Variants in RBFOX1 observed in about 807,000 individuals in gnomAD.
The protein encoded by RBFOX1 is RNA binding fox-1 homolog 1.
RBFOX1 carries 8 observed loss-of-function variants against 57.7 expected under a neutral mutation model. The ratio of observed to expected loss-of-function variants is 0.14; its 90% CI spans 0.08 to 0.25. The LOEUF (loss-of-function observed/expected upper bound fraction) is 0.25, where lower values mean the gene tolerates loss of function less well. RBFOX1 is among the 10% of genes least tolerant of loss of function. The probability of loss-of-function intolerance (pLI) is 1.00; values close to 1 mark genes in which losing one functional copy is unlikely to be tolerated. For missense variants in RBFOX1, 611 were observed against 548.5 expected (o/e 1.11, Z -1.14); for synonymous variants, 326 against 222.4 (o/e 1.47, Z -4.15).
intron 2 of RBFOX1, among the ~76,000 whole-genome samples, chr16:5,577,674 G>T (rs756020627): frequency 6.6e-6 from 1 of 152,198 alleles, no homozygotes; most frequent in Non-Finnish European, 1.5e-5. Flanking sequence ...TGGCAAGGCA[G>T]TGACTGTGCT....
At chr16:7,484,394 T>C (rs1232485820) in intron 4 of RBFOX1, among the ~76,000 whole-genome samples, 1 of 152,196 alleles carries the variant, frequency 6.6e-6, no homozygotes, top group African/African-American at 2.4e-5. Context: ...TTTAACATTC[T>C]AGGATACCAT....
chr16:5,578,102 C>T (rs1192764165), intron 2 of RBFOX1, among the ~76,000 whole-genome samples: 1 of 152,172 alleles, frequency 6.6e-6, no homozygotes, highest in Non-Finnish European at 1.5e-5. Context: ...CAGGTGCGTG[C>T]CACCACACCC....
intron 3 of RBFOX1, among the ~76,000 whole-genome samples, chr16:6,984,399 C>G (rs1264173573): frequency 6.6e-6 from 1 of 152,098 alleles, no homozygotes; most frequent in South Asian, 2.1e-4. Context: ...ACTGAGCATC[C>G]TCACCAGCCT....
At chr16:6,399,716 G>A (rs1218150282) in intron 2 of RBFOX1, among the ~76,000 whole-genome samples, 1 of 151,992 alleles carries the variant, frequency 6.6e-6, no homozygotes, top group Non-Finnish European at 1.5e-5. Context: ...AACAGCTTAT[G>A]TATTAGTTCA....
At chr16:5,869,559 G>A (rs2057418940) in intron 4 of RBFOX1, among the ~76,000 whole-genome samples, 2 of 152,080 alleles carry the variant, frequency 1.3e-5, no homozygotes, top group Non-Finnish European at 2.9e-5. Context: ...GTGCCACCAT[G>A]CCTAGCTAGT....
chr16:5,780,863 C>G (rs1011440270), intron 3 of RBFOX1, among the ~76,000 whole-genome samples: 1 of 152,204 alleles, frequency 6.6e-6, no homozygotes, highest in Admixed American at 6.5e-5. Context: ...TAGGTGCCAT[C>G]GCTATCTGCA....
chr16:5,395,903 C>T (rs999637212), intron 1 of RBFOX1, among the ~76,000 whole-genome samples: 42 of 152,198 alleles, frequency 2.8e-4, no homozygotes, highest in African/African-American at 9.9e-4. Context: ...GTTGGTCCTG[C>T]AGCCACCAGG....
chr16:6,768,049 G>A (rs1476091805), intron 3 of RBFOX1, among the ~76,000 whole-genome samples: 3 of 151,848 alleles, frequency 2.0e-5, no homozygotes, highest in East Asian at 3.9e-4. Flanking sequence ...TTGTGAAGGA[G>A]CTAGTGAATT....
chr16:6,355,973 G>C (rs921572809), intron 2 of RBFOX1, among the ~76,000 whole-genome samples: 1 of 152,126 alleles, frequency 6.6e-6, no homozygotes, highest in South Asian at 2.1e-4. Context: ...ACTCCTAATG[G>C]GCAAAGCTGA....
chr16:7,492,942 G>A (rs1038320997), intron 4 of RBFOX1, among the ~76,000 whole-genome samples: 4 of 152,038 alleles, frequency 2.6e-5, no homozygotes, highest in Non-Finnish European at 4.4e-5. Context: ...GCAGTGGTGC[G>A]ATCTCAGCTC....
intron 3 of RBFOX1, among the ~76,000 whole-genome samples, chr16:5,675,936 C>G (rs2050155255): frequency 6.6e-6 from 1 of 152,034 alleles, no homozygotes; most frequent in Non-Finnish European, 1.5e-5. Context: ...TATGAAGACT[C>G]AATGGGCTAA....
chr16:5,749,203 T>C (rs1348504923), intron 3 of RBFOX1, among the ~76,000 whole-genome samples: 1 of 151,888 alleles, frequency 6.6e-6, no homozygotes, highest in Non-Finnish European at 1.5e-5. Context: ...CCCACCCCCT[T>C]TTGGTTTGTA....
intron 4 of RBFOX1, among the ~76,000 whole-genome samples, chr16:5,957,313 C>G (rs1383456641): frequency 6.6e-6 from 1 of 152,152 alleles, no homozygotes; most frequent in East Asian, 1.9e-4. Flanking sequence ...CTCCGGTGTT[C>G]AAGCGATTCT....
chr16:6,072,910 A>G (rs1346418844), intron 1 of RBFOX1, among the ~76,000 whole-genome samples: 2 of 152,178 alleles, frequency 1.3e-5, no homozygotes, highest in Non-Finnish European at 2.9e-5. Context: ...TCACAGGCCT[A>G]TGCTTATGCC....
At chr16:5,323,220 G>A (rs1202113510) in intron 1 of RBFOX1, among the ~76,000 whole-genome samples, 1 of 152,252 alleles carries the variant, frequency 6.6e-6, no homozygotes, top group African/African-American at 2.4e-5. Flanking sequence ...GTACCTATGA[G>A]TAAAATGTAC....
intron 3 of RBFOX1, among the ~76,000 whole-genome samples, chr16:5,864,069 A>G (rs1291509571): frequency 6.6e-6 from 1 of 152,128 alleles, no homozygotes; most frequent in South Asian, 2.1e-4. Flanking sequence ...TCCACCCTCC[A>G]GAAGGCCCCA....
At chr16:7,394,039 C>T (rs1464831969) in intron 4 of RBFOX1, among the ~76,000 whole-genome samples, 7 of 151,784 alleles carry the variant, frequency 4.6e-5, no homozygotes, top group Non-Finnish European at 8.8e-5. Flanking sequence ...AGTTGGAGAC[C>T]ATCCTGGCCA....
At chr16:7,311,700 A>T (rs1603618358) in intron 4 of RBFOX1, among the ~76,000 whole-genome samples, 1 of 152,234 alleles carries the variant, frequency 6.6e-6, no homozygotes, top group Non-Finnish European at 1.5e-5. Context: ...AGGTTTACAC[A>T]CTGCAGTAGC....
chr16:6,000,520 C>G (rs551959106), intron 4 of RBFOX1, among the ~76,000 whole-genome samples: 2 of 152,086 alleles, frequency 1.3e-5, no homozygotes, highest in African/African-American at 4.8e-5. Flanking sequence ...CTCTCTTGTA[C>G]GCAAAATAAG....
Sources: allele counts gnomAD v4.1 joint callset (sites outside exome capture counted in the v4.1 genomes callset), GRCh38; gene constraint gnomAD v4.1.1; transcripts MANE v1.5; gene names NCBI Gene and HGNC (gene_info 2026-07-23, HGNC 2026-07-21).